Variants in HCN1 observed in about 807,000 individuals in gnomAD.
HCN1 encodes hyperpolarization activated cyclic nucleotide gated potassium channel 1.
HCN1 carries 13 observed loss-of-function variants against 78.9 expected under a neutral mutation model. The observed-to-expected ratio is 0.16, with a 90% CI of 0.11 to 0.26. HCN1 has a LOEUF of 0.26. Among genes scored for constraint, HCN1 ranks in the 10% least tolerant of loss-of-function variants. The pLI, the probability that HCN1 is intolerant of heterozygous loss-of-function variation, is 1.00. For missense variants in HCN1, 810 were observed against 1,154.3 expected (o/e 0.70, Z 4.32); for synonymous variants, 552 against 455.5 (o/e 1.21, Z -2.70).
At chr5:45,375,429 ATAT>A (rs1397463748) in intron 4 of HCN1, among the ~76,000 whole-genome samples, 7 of 117,744 alleles carry the variant, frequency 5.9e-5, no homozygotes, top group African/African-American at 1.7e-4. Context: ...TTTATGATAC[ATAT>A]TATATATAAG....
intron 2 of HCN1, among the ~76,000 whole-genome samples, chr5:45,492,160 T>G (rs80064126): frequency 0.096 from 14,615 of 151,852 alleles, 945 homozygotes; most frequent in Middle Eastern, 0.17. Flanking sequence ...AGCTATCATA[T>G]CCAGCATTTT....
rs551056168 is a variant in HCN1, at chr5:45,689,634, T to C, written c.425+6035A>G. 8.5e-4 allele frequency among the ~76,000 whole-genome samples: 130 copies of C among 152,148 alleles called. 3 individuals carry two copies. The South Asian group carries it at 0.019, about 23-fold the overall frequency. The stretch of plus-strand genomic sequence containing the variant: ...AGAGAACTCAGGTTGTTCTAGGAGC[T>C]AAAAATTTACCCAAGTGGCTGGAAC... On this transcript the variant is annotated intron_variant, in intron 1 of 7. Transcript: ENST00000303230.
intron 5 of HCN1, among the ~76,000 whole-genome samples, chr5:45,324,839 T>G (rs940846459): frequency 1.3e-5 from 2 of 151,684 alleles, no homozygotes; most frequent in African/African-American, 4.8e-5. Flanking sequence ...GAAAAAAAAT[T>G]TTTTAAAGTT....
chr5:45,522,474 CTA>C (rs1476111986), intron 2 of HCN1, among the ~76,000 whole-genome samples: 1 of 151,968 alleles, frequency 6.6e-6, no homozygotes, highest in Non-Finnish European at 1.5e-5. Flanking sequence ...TTCATCAGTA[CTA>C]TACCCCTACA....
intron 3 of HCN1, among the ~76,000 whole-genome samples, chr5:45,416,280 T>A (rs1181327814): frequency 2.0e-5 from 3 of 151,960 alleles, no homozygotes; most frequent in Admixed American, 2.0e-4. Flanking sequence ...CACTCCTCAC[T>A]TGATTTACTC....
chr5:45,277,037 G>A (rs1745074606), intron 6 of HCN1, among the ~76,000 whole-genome samples: 1 of 151,878 alleles, frequency 6.6e-6, no homozygotes, highest in Non-Finnish European at 1.5e-5. Context: ...TTTCTCCATG[G>A]GTAAGAAAGT....
At chr5:45,451,963 T>A (rs1740927259) in intron 3 of HCN1, among the ~76,000 whole-genome samples, 1 of 152,008 alleles carries the variant, frequency 6.6e-6, no homozygotes, top group Non-Finnish European at 1.5e-5. Context: ...AAGTAGATAT[T>A]ATAAATAATA....
chr5:45,660,376 T>G (rs2112057333), intron 1 of HCN1, among the ~76,000 whole-genome samples: 1 of 112,382 alleles, frequency 8.9e-6, no homozygotes, highest in Admixed American at 8.7e-5. Context: ...CCATCGAGAC[T>G]AGGAAGAAAC....
intron 5 of HCN1, among the ~76,000 whole-genome samples, chr5:45,351,000 G>T (rs867129876): frequency 0.034 from 5,204 of 151,928 alleles, 331 homozygotes; most frequent in African/African-American, 0.12. Flanking sequence ...ACCAATGACT[G>T]TCTTCACAGA....
At chr5:45,648,458 C>T (rs879306365) in intron 1 of HCN1, among the ~76,000 whole-genome samples, 19 of 152,080 alleles carry the variant, frequency 1.2e-4, no homozygotes, top group African/African-American at 2.2e-4. Flanking sequence ...AAAGTAACAT[C>T]GACTCTATTT....
At chr5:45,314,207 T>C (rs568342513) in intron 5 of HCN1, among the ~76,000 whole-genome samples, 3 of 152,128 alleles carry the variant, frequency 2.0e-5, no homozygotes, top group Non-Finnish European at 2.9e-5. Context: ...AAGGCCCATA[T>C]TCAACATTCT....
At chr5:45,465,889 GAAGA>G (rs1163076638) in intron 2 of HCN1, among the ~76,000 whole-genome samples, 15 of 152,138 alleles carry the variant, frequency 9.9e-5, no homozygotes, top group African/African-American at 3.6e-4. Context: ...ACCTTAATAA[GAAGA>G]AAGATCTGGT....
intron 4 of HCN1, among the ~76,000 whole-genome samples, chr5:45,357,457 C>T (rs1358706248): frequency 6.6e-6 from 1 of 152,012 alleles, no homozygotes; most frequent in African/African-American, 2.4e-5. Flanking sequence ...CAACATTTCC[C>T]CTACATTCTA....
At chr5:45,573,312 T>C (rs1185611591) in intron 2 of HCN1, among the ~76,000 whole-genome samples, 1 of 152,062 alleles carries the variant, frequency 6.6e-6, no homozygotes, top group Admixed American at 6.6e-5. Flanking sequence ...ATGAAAGTCC[T>C]CTTCTAATTC....
chr5:45,318,694 C>A (rs914703309), intron 5 of HCN1, among the ~76,000 whole-genome samples: 1 of 151,916 alleles, frequency 6.6e-6, no homozygotes, highest in Non-Finnish European at 1.5e-5. Context: ...ATTATTTAGT[C>A]ACAGTGTAGG....
chr5:45,523,699 A>T (rs1452127826), intron 2 of HCN1, among the ~76,000 whole-genome samples: 2 of 151,674 alleles, frequency 1.3e-5, no homozygotes, highest in Non-Finnish European at 2.9e-5. Context: ...CCACTTTTTG[A>T]TGGGTTTGTT....
At chr5:45,337,331 T>C (rs951189684) in intron 5 of HCN1, among the ~76,000 whole-genome samples, 5 of 152,140 alleles carry the variant, frequency 3.3e-5, no homozygotes, top group African/African-American at 9.7e-5. Context: ...AATCTAAAGA[T>C]GCCAGCATGC....
chr5:45,586,795 A>C (rs1386257870), intron 2 of HCN1, among the ~76,000 whole-genome samples: 1 of 152,136 alleles, frequency 6.6e-6, no homozygotes, highest in Admixed American at 6.5e-5. Flanking sequence ...TTAGCACCAG[A>C]GACTAAATTA....
At chr5:45,459,173 G>C (rs1741090732) in intron 3 of HCN1, among the ~76,000 whole-genome samples, 1 of 151,944 alleles carries the variant, frequency 6.6e-6, no homozygotes, top group South Asian at 2.1e-4. Flanking sequence ...GGAGGCCAAG[G>C]TGGGAGGATC....
Sources: allele counts gnomAD v4.1 joint callset (sites outside exome capture counted in the v4.1 genomes callset), GRCh38; gene constraint gnomAD v4.1.1; transcripts MANE v1.5; gene names NCBI Gene and HGNC (gene_info 2026-07-23, HGNC 2026-07-21).